Variants in IDI1 observed in about 807,000 individuals in gnomAD.
IDI1 encodes isopentenyl-diphosphate Delta-isomerase 1.
In IDI1, 23 loss-of-function variants were observed where a neutral mutation model predicts 32.9. The observed-to-expected ratio is 0.70, with a 90% CI of 0.50 to 0.99. IDI1 has a LOEUF of 0.99. IDI1 is among the 50% of genes least tolerant of loss of function. The probability of loss-of-function intolerance (pLI) is 0.00; values close to 1 mark genes in which losing one functional copy is unlikely to be tolerated. For missense variants in IDI1, 326 were observed against 351.9 expected, an observed-to-expected ratio of 0.93 and a Z score of 0.59; for synonymous variants, 133 against 128.2, an observed-to-expected ratio of 1.04 and a Z score of -0.25.
intron 1 of IDI1, among the ~76,000 whole-genome samples, chr10:1,045,303 C>T (rs1339225523): frequency 6.6e-6 from 1 of 152,216 alleles, no homozygotes; most frequent in Non-Finnish European, 1.5e-5. Context: ...TTCAGGGCAC[C>T]TTTACATAGT....
At chr10:1,048,140 C>T in intron 1 of IDI1, 1 of 862,284 alleles carries the variant, frequency 1.2e-6, no homozygotes, top group Non-Finnish European at 1.7e-6. Context: ...GGATTAAAGG[C>T]GTGCACCACC....
At chr10:1,044,343 T>C (rs559153901) in intron 1 of IDI1, 172 bp from the exon 2 acceptor site, 120 of 538,098 alleles carry the variant, frequency 2.2e-4, no homozygotes, top group Non-Finnish European at 6.6e-6. Flanking sequence ...GGGTCATCAT[T>C]TCTCCTACAG....
intron 1 of IDI1, chr10:1,048,317 A>C (rs1270219571): frequency 7.7e-7 from 1 of 1,304,530 alleles, no homozygotes. Context: ...GTCTAGTTCC[A>C]TCTATGCGAT....
At position 1,048,227 on chromosome 10, in the gene IDI1, T is replaced by C. The variant is rs899518550; in HGVS notation, c.140+637A>G. 7 of 1,299,456 alleles carry C rather than the reference T, an allele frequency of 5.4e-6. No homozygotes were observed. In the African/African-American group the frequency reaches 7.6e-5, roughly 14 times the overall value. The allele number at this position is 1,299,456 out of a possible 1,614,324, so 80.5% of individuals were successfully genotyped here. On this transcript the variant is annotated intron_variant, in intron 1 of 4. Coordinates refer to ENST00000381344, the MANE Select transcript of IDI1 (RefSeq NM_004508.4). ...AAAGCTAAGCTGCATAATCACAAGA[T>C]AAAATGAATACGTCTATTTATGCGT...
At chr10:1,052,656 CTG>C (rs1230800116), upstream of IDI1, among the ~76,000 whole-genome samples, 2 of 152,112 alleles carry the variant, frequency 1.3e-5, no homozygotes, top group Non-Finnish European at 2.9e-5. Context: ...GTAAACCACA[CTG>C]TGTAAGTAGA....
intron 1 of IDI1, among the ~76,000 whole-genome samples, chr10:1,045,671 T>C (rs1832780228): frequency 6.6e-6 from 1 of 152,050 alleles, no homozygotes; most frequent in Admixed American, 6.6e-5. Context: ...CTTGCCATGC[T>C]GGCCATGCTG....
At chr10:1,052,591 A>G (rs907885774), upstream of IDI1, among the ~76,000 whole-genome samples, 3 of 152,110 alleles carry the variant, frequency 2.0e-5, no homozygotes, top group Non-Finnish European at 2.9e-5. Context: ...TTGAAACGAA[A>G]TCTTTTTTTT....
At chr10:1,048,504 T>A (rs1398835446) in intron 1 of IDI1, 1 of 1,250,824 alleles carries the variant, frequency 8.0e-7, no homozygotes, top group Admixed American at 3.3e-5. Context: ...GTTTCTGAAT[T>A]CTCTAAGGGG....
upstream of IDI1, among the ~76,000 whole-genome samples, chr10:1,049,862 A>C (rs748377821): frequency 1.1e-4 from 16 of 152,152 alleles, 1 homozygote; most frequent in Non-Finnish European, 2.4e-4. Flanking sequence ...CATGTTGGTC[A>C]GGCTGGTCTG....
At chr10:1,043,615 C>G (rs1249652544) in intron 2 of IDI1, 1 of 670,128 alleles carries the variant, frequency 1.5e-6, no homozygotes, top group Non-Finnish European at 2.7e-6. Context: ...CTGGTGGCCC[C>G]TTTCCGGCAG....
the IDI1 span, among the ~76,000 whole-genome samples, chr10:1,054,763 A>C: frequency 6.6e-6 from 1 of 152,362 alleles, no homozygotes; most frequent in Middle Eastern, 3.4e-3. Context: ...CCTCACTTCC[A>C]GTATTTTATA....
At chr10:1,055,780 C>A in the IDI1 span, among the ~76,000 whole-genome samples, 8 of 151,704 alleles carry the variant, frequency 5.3e-5, no homozygotes, top group East Asian at 7.7e-4. Context: ...GTGCAACAAA[C>A]AAGTTACCAC....
upstream of IDI1, among the ~76,000 whole-genome samples, chr10:1,051,009 A>G (rs1481317388): frequency 6.6e-6 from 1 of 152,240 alleles, no homozygotes; most frequent in Non-Finnish European, 1.5e-5. Context: ...GGATTTTCCA[A>G]TTACTATTTG....
intron 4 of IDI1, 88 bp downstream of exon 4, chr10:1,042,544 C>G (rs772566567): frequency 7.6e-7 from 1 of 1,312,714 alleles, no homozygotes; most frequent in African/African-American, 1.5e-5. Flanking sequence ...AAGCAGAGAA[C>G]TACATTTGAA....
chr10:1,041,132 GTCAT>G lies in IDI1; in HGVS notation c.*51_*54del. On this transcript the variant is annotated 3_prime_UTR_variant, in exon 5 of 5. Transcript: ENST00000381344. ...ATAGAACTAAATTTAAAAGGAAAAA[GTCAT>G]TCTAAGTTTGTTAAGCAGATAAATT... The G allele has an allele frequency of 1.0e-6, 1 of 983,020 alleles. No homozygotes were observed. The highest frequency in any genetic ancestry group is 1.5e-6 in the Non-Finnish European group (1 of 667,142). The allele number at this position is 983,020 out of a possible 1,614,324, so 60.9% of individuals were successfully genotyped here.
At chr10:1,042,607 A>G (rs1408350085) in intron 4 of IDI1, 25 bp downstream of exon 4, 6 of 1,612,514 alleles carry the variant, frequency 3.7e-6, no homozygotes, top group South Asian at 2.2e-5. Context: ...TTCAGCTTGT[A>G]TGGTTGTGTA....
rs1476473940 is a variant in IDI1, at chr10:1,039,688, G to A, written c.*1499C>T. On this transcript the variant is annotated 3_prime_UTR_variant, in exon 5 of 5. Transcript: ENST00000381344. Reference sequence around the variant, plus strand: ...AACAGTAGTATCTAACTCTTGCTAAGTACTTAACAAGGTGCTGGGTAGCAG... The same window carrying A: ...AACAGTAGTATCTAACTCTTGCTAAATACTTAACAAGGTGCTGGGTAGCAG... 1 of 152,190 alleles carries A rather than the reference G, an allele frequency of 6.6e-6. No individual in the cohort carries two copies. Among genetic ancestry groups the A allele is most frequent in the African/African-American group, 2.4e-5 (1 of 41,440 alleles). The allele number at this position is 152,190 out of a possible 1,614,324, so 9.4% of individuals were successfully genotyped here. A position where few individuals can be genotyped will look rare whatever the true frequency, so the allele number is the denominator to read the frequency against.
chr10:1,041,468 G>T lies in IDI1; in HGVS notation c.574C>A (p.His192Asn). 6.3e-7 allele frequency: 1 copy of T among 1,586,034 alleles called. No homozygotes were observed. The highest frequency in any genetic ancestry group is 8.6e-7 in the Non-Finnish European group (1 of 1,162,598). Residue 192 changes from histidine (H) to asparagine (N), a missense_variant, in exon 5 of 5, where the codon CAC becomes AAC. This residue lies in a region of IDI1 where 205 missense variants were observed against 273.5 expected (regional missense o/e 0.75). Coordinates refer to ENST00000381344, the MANE Select transcript of IDI1 (RefSeq NM_004508.4). Reference protein sequence around the residue: ...PEEINYLTRIHYKAQSDGIWG... With the variant: ...PEEINYLTRINYKAQSDGIWG... ...ATACCATCAGACTGAGCTTTGTAGTGAATTCGTGTTAAATAATTAATTTCT... is the reference window on the plus strand; with the variant it reads ...ATACCATCAGACTGAGCTTTGTAGTTAATTCGTGTTAAATAATTAATTTCT...
intron 1 of IDI1, among the ~76,000 whole-genome samples, chr10:1,044,443 A>G (rs1335564364): frequency 6.6e-6 from 1 of 152,198 alleles, no homozygotes; most frequent in Non-Finnish European, 1.5e-5. Flanking sequence ...GATCCTCTGC[A>G]GCACTTGATA....
Sources: allele counts gnomAD v4.1 joint callset (sites outside exome capture counted in the v4.1 genomes callset), GRCh38; gene constraint gnomAD v4.1.1; regional missense constraint gnomAD v4.1.1; transcripts MANE v1.5; gene names NCBI Gene and HGNC (gene_info 2026-07-23, HGNC 2026-07-21).